Variants in GAD2 observed in about 807,000 individuals in gnomAD.
GAD2 encodes glutamate decarboxylase 2.
Under a neutral mutation model 80.1 loss-of-function variants are expected in GAD2, and 22 were observed. The ratio of observed to expected loss-of-function variants is 0.27; its 90% CI spans 0.20 to 0.39. The LOEUF is 0.39. Ranked by LOEUF, GAD2 falls within the 10% of genes least tolerant of loss-of-function variation. GAD2 has a pLI of 1.00. For synonymous variants in GAD2, 274 were observed against 256.9 expected (o/e 1.07, Z -0.64); for missense variants, 624 against 738.4 (o/e 0.85, Z 1.80).
intron 13 of GAD2, 84 bp from the exon 14 acceptor site, chr10:26,292,381 G>T: frequency 1.0e-6 from 1 of 985,042 alleles, no homozygotes; most frequent in Non-Finnish European, 1.6e-6. Context: ...AGACAGAGAC[G>T]GCAGGATGAC....
chr10:26,218,563 A>T (rs1319763901), intron 3 of GAD2, among the ~76,000 whole-genome samples: 4 of 150,982 alleles, frequency 2.6e-5, no homozygotes, highest in African/African-American at 4.9e-5. Context: ...ACACACACAC[A>T]CACACACACA....
At chr10:26,280,957 C>A in intron 11 of GAD2, 52 bp from the exon 12 acceptor site, 3 of 1,287,986 alleles carry the variant, frequency 2.3e-6, no homozygotes, top group Non-Finnish European at 3.4e-6. Context: ...TGCGCATGCC[C>A]TGAGCCTGTC....
At chr10:26,269,547 G>A (rs182021975) in intron 9 of GAD2, among the ~76,000 whole-genome samples, 2 of 152,206 alleles carry the variant, frequency 1.3e-5, no homozygotes, top group Non-Finnish European at 2.9e-5. Context: ...AAAGGGGCCA[G>A]TTTTTCCCGT....
intron 3 of GAD2, among the ~76,000 whole-genome samples, chr10:26,218,551 T>TCACACACACACA (rs59054319): frequency 0.012 from 1,429 of 118,822 alleles, 14 homozygotes; most frequent in East Asian, 0.021. Context: ...TCTCTCTCTC[T>TCACACACACACA]CACACACACA....
chr10:26,269,748 A>G (rs951443186), intron 9 of GAD2, among the ~76,000 whole-genome samples: 1 of 152,226 alleles, frequency 6.6e-6, no homozygotes, highest in Non-Finnish European at 1.5e-5. Flanking sequence ...ACCATTTGGT[A>G]GATATAACCT....
At chr10:26,226,867 T>C (rs1315093899) in intron 6 of GAD2, among the ~76,000 whole-genome samples, 2 of 152,242 alleles carry the variant, frequency 1.3e-5, no homozygotes, top group African/African-American at 4.8e-5. Flanking sequence ...CATTCCTTAC[T>C]GCTCAGCAGG....
chr10:26,245,153 CA>C (rs1229625147), intron 7 of GAD2, among the ~76,000 whole-genome samples: 3,308 of 52,286 alleles, frequency 0.063, 90 homozygotes, highest in African/African-American at 0.14. Context: ...AACTCTGTCT[CA>C]AAAAAAAAAA....
chr10:26,252,365 C>A (rs1319938438), intron 8 of GAD2, among the ~76,000 whole-genome samples: 2 of 150,756 alleles, frequency 1.3e-5, no homozygotes, highest in African/African-American at 4.9e-5. Flanking sequence ...CTTTTTGAGA[C>A]AAGGTCTCAC....
Position 26,300,871 on chromosome 10 carries a change from C to T in GAD2, c.1668C>T (p.Phe556=). The change falls in exon 16 of 16, where the codon TTC becomes TTT. Residue 556 remains phenylalanine (F), a synonymous_variant. Transcript: ENST00000376261. ...AACCCTTGGGAGACAAGGTCAATTT[C>T]TTCCGCATGGTCATCTCAAACCCAG... ...SYQPLGDKVN[F]FRMVISNPAA... The T allele has an allele frequency of 6.2e-7, 1 of 1,613,964 alleles. No homozygotes were observed.
rs1187380657 is a variant in GAD2 at position 26,301,095 on chromosome 10, T to G, written c.*134T>G. 2 of 761,802 alleles carry G rather than the reference T, an allele frequency of 2.6e-6. No individual in the cohort carries two copies. The highest frequency in any genetic ancestry group is 5.6e-5 in the Admixed American group (2 of 35,520). The allele number at this position is 761,802 out of a possible 1,614,324, so 47.2% of individuals were successfully genotyped here. A position where few individuals can be genotyped will look rare whatever the true frequency, so the allele number is the denominator to read the frequency against. On this transcript the variant is annotated 3_prime_UTR_variant, in exon 16 of 16. Transcript: ENST00000376261. ...TGGTGTCAAAGTAGAGTTTAAAAAT[T>G]AAACAAAAAAGACATTGCTCCTTTT... is the stretch of plus-strand genomic sequence containing the variant.
At chr10:26,247,357 A>G (rs1197821926) in intron 8 of GAD2, among the ~76,000 whole-genome samples, 1 of 151,748 alleles carries the variant, frequency 6.6e-6, no homozygotes, top group East Asian at 1.9e-4. Flanking sequence ...TATGACCTGT[A>G]TCTTGTGCTG....
intron 5 of GAD2, 67 bp downstream of exon 5, chr10:26,224,044 T>C: frequency 8.7e-7 from 1 of 1,143,186 alleles, no homozygotes; most frequent in Non-Finnish European, 1.3e-6. Flanking sequence ...AGTCTTTACA[T>C]CTTATGTGAA....
At chr10:26,219,001 C>T (rs1039040626) in intron 3 of GAD2, 42 bp from the exon 4 acceptor site, 1 of 1,426,610 alleles carries the variant, frequency 7.0e-7, no homozygotes, top group Non-Finnish European at 9.5e-7. Context: ...TGAATATTTT[C>T]AAAGTAAAAT....
At chr10:26,255,081 C>T (rs1844927779) in intron 8 of GAD2, among the ~76,000 whole-genome samples, 1 of 152,134 alleles carries the variant, frequency 6.6e-6, no homozygotes, top group Admixed American at 6.5e-5. Flanking sequence ...ACTAGGGAGG[C>T]CGTGCAGAAG....
chr10:26,270,799 G>A (rs781139188), intron 10 of GAD2, 43 bp downstream of exon 10: 16 of 1,232,068 alleles, frequency 1.3e-5, no homozygotes, highest in Admixed American at 1.2e-4. Flanking sequence ...GTCCTTGCAC[G>A]TTTTTCATGT....
At chr10:26,232,910 T>G (rs1484708874) in intron 7 of GAD2, among the ~76,000 whole-genome samples, 1 of 152,332 alleles carries the variant, frequency 6.6e-6, no homozygotes, top group South Asian at 2.1e-4. Context: ...TGAAGGATCA[T>G]TTGAATTACG....
intron 8 of GAD2, among the ~76,000 whole-genome samples, chr10:26,258,234 G>A (rs959293003): frequency 6.6e-6 from 1 of 152,214 alleles, no homozygotes; most frequent in Non-Finnish European, 1.5e-5. Context: ...GTTTTAAACA[G>A]TATGACAAGT....
intron 4 of GAD2, among the ~76,000 whole-genome samples, chr10:26,220,055 T>C (rs924700907): frequency 6.6e-6 from 1 of 152,182 alleles, no homozygotes; most frequent in African/African-American, 2.4e-5. Context: ...TAACATTTAT[T>C]TGGGTGCATT....
chr10:26,280,292 G>T (rs1845257427), intron 11 of GAD2, among the ~76,000 whole-genome samples: 1 of 152,206 alleles, frequency 6.6e-6, no homozygotes, highest in African/African-American at 2.4e-5. Context: ...CATGGTTGAG[G>T]ACGCACGCCC....
Sources: gnomAD v4.1 joint callset for allele counts (sites outside exome capture counted in the v4.1 genomes callset) on GRCh38, gnomAD v4.1.1 for gene constraint, MANE v1.5 for transcripts, NCBI Gene and HGNC (gene_info 2026-07-23, HGNC 2026-07-21) for gene names.